The following BPNT1 variants were observed in gnomAD, a reference collection of about 807,000 sequenced individuals.
BPNT1 encodes 3'(2'),5'-bisphosphate nucleotidase 1.
A neutral mutation model predicts 36.9 loss-of-function variants in BPNT1; 28 were observed. The observed-to-expected ratio is 0.76, with a 90% CI of 0.56 to 1.04. The LOEUF (loss-of-function observed/expected upper bound fraction) is 1.04, where lower values mean the gene tolerates loss of function less well. BPNT1 is among the 50% of genes least tolerant of loss of function. BPNT1 has a pLI of 0.00. For synonymous variants in BPNT1, 119 were observed against 130.9 expected (o/e 0.91, Z 0.62); for missense variants, 313 against 372.9 (o/e 0.84, Z 1.32).
At chr1:220,072,701 T>C (rs1205585904) in intron 4 of BPNT1, 149 bp downstream of exon 4, 2 of 626,376 alleles carry the variant, frequency 3.2e-6, no homozygotes, top group Non-Finnish European at 5.6e-6. Context: ...GGTTGCCTGA[T>C]ACTTCCATGT....
intron 6 of BPNT1, chr1:220,066,132 T>C: frequency 6.7e-7 from 1 of 1,488,940 alleles, no homozygotes; most frequent in Non-Finnish European, 8.9e-7. Context: ...GGAAAATGAA[T>C]ACAATTTTTC....
Position 220,079,785 on chromosome 1 carries a change from T to A in BPNT1, c.62A>T (p.Lys21Met). 1 of 1,614,148 alleles carries A rather than the reference T, an allele frequency of 6.2e-7. No individual in the cohort carries two copies. The highest frequency in any genetic ancestry group is 8.5e-7 in the Non-Finnish European group (1 of 1,180,012). The change falls in exon 2 of 9, where the codon AAG becomes ATG. Residue 21 changes from lysine to methionine, a missense_variant. Transcript: ENST00000322067. ...AACACGTCTGACTATCATTCCTGCCTTTTGAGCAATAGAATATGCGGAGGC... is the reference window on the plus strand; with the variant it reads ...AACACGTCTGACTATCATTCCTGCCATTTGAGCAATAGAATATGCGGAGGC... ...LVASAYSIAQ[K>M]AGMIVRRVIA...
At position 220,081,292 on chromosome 1, in the gene BPNT1, CA is replaced by C. The variant is rs370469494; in HGVS notation, c.-8-1439del. ...GCACGGTGACTAACGCCTGTAATCC[CA>C]GGATTTTGGGAGGCCGAGATGGGCA... is the stretch of plus-strand genomic sequence containing the variant. On this transcript the variant is annotated intron_variant, in intron 1 of 8. Coordinates refer to ENST00000322067, the MANE Select transcript of BPNT1 (RefSeq NM_006085.6). 2.4e-3 allele frequency among the ~76,000 whole-genome samples: 370 copies of C among 152,190 alleles called. 1 individual carries two copies. Among genetic ancestry groups the C allele is most frequent in the African/African-American group, 8.5e-3 (354 of 41,534 alleles).
intron 2 of BPNT1, 74 bp from the exon 3 acceptor site, chr1:220,074,145 C>A (rs941434858): frequency 4.5e-6 from 6 of 1,326,100 alleles, no homozygotes; most frequent in Non-Finnish European, 6.4e-6. Context: ...TGCATGAGTG[C>A]CTACATAATT....
intron 3 of BPNT1, 68 bp downstream of exon 3, chr1:220,073,897 CAT>C: frequency 7.8e-7 from 1 of 1,278,422 alleles, no homozygotes; most frequent in Non-Finnish European, 1.1e-6. Flanking sequence ...GTATATAAAT[CAT>C]TAAAGTGTCA....
intron 7 of BPNT1, among the ~76,000 whole-genome samples, chr1:220,061,459 G>A (rs779940507): frequency 2.0e-5 from 3 of 151,818 alleles, no homozygotes; most frequent in South Asian, 2.1e-4. Context: ...GCTTGAACCC[G>A]GGAGGTGGAG....
intron 2 of BPNT1, among the ~76,000 whole-genome samples, chr1:220,076,118 G>A (rs962855109): frequency 5.9e-5 from 9 of 151,626 alleles, no homozygotes; most frequent in Admixed American, 2.0e-4. Flanking sequence ...CCTGTAATCC[G>A]AGCACTTTGG....
chr1:220,084,671 A>G (rs999357850), intron 1 of BPNT1, among the ~76,000 whole-genome samples: 1 of 152,180 alleles, frequency 6.6e-6, no homozygotes, highest in African/African-American at 2.4e-5. Context: ...AGGCTTCATA[A>G]ATGACTCAAC....
chr1:220,072,138 G>A (rs1191484595), intron 4 of BPNT1, among the ~76,000 whole-genome samples: 3 of 150,462 alleles, frequency 2.0e-5, no homozygotes, highest in Non-Finnish European at 3.0e-5. Flanking sequence ...TGAGGTAGGC[G>A]GATCACGAGG....
chr1:220,089,101 GAAAAAAAAAAA>G (rs764942826), intron 1 of BPNT1, among the ~76,000 whole-genome samples: 1 of 39,156 alleles, frequency 2.6e-5, no homozygotes, highest in South Asian at 9.7e-4. Flanking sequence ...ACTCCGTCTC[GAAAAAAAAAAA>G]AAAAAAAAAA....
At chr1:220,088,036 C>G (rs1305454449) in intron 1 of BPNT1, among the ~76,000 whole-genome samples, 2 of 151,978 alleles carry the variant, frequency 1.3e-5, no homozygotes, top group Admixed American at 1.3e-4. Context: ...CATCTCCACA[C>G]CTGGCTAATT....
At chr1:220,060,855 A>G (rs959102875) in intron 7 of BPNT1, among the ~76,000 whole-genome samples, 1 of 152,180 alleles carries the variant, frequency 6.6e-6, no homozygotes, top group Non-Finnish European at 1.5e-5. Context: ...GATTTGGTCC[A>G]GAAAGGTGGA....
In BPNT1 at chr1:220,083,909, T is replaced by C. The variant is rs1476731414; in HGVS notation, c.-8-4055A>G. 2.0e-5 allele frequency among the ~76,000 whole-genome samples: 3 copies of C among 152,298 alleles called. No homozygotes were observed. In the East Asian group the frequency reaches 5.8e-4, roughly 29 times the overall value. On this transcript the variant is annotated intron_variant, in intron 1 of 8. Coordinates refer to ENST00000322067, the MANE Select transcript of BPNT1 (RefSeq NM_006085.6). ...TCAACCTCCCTCATATACGGAGGGA[T>C]AACTATATATAATGTGTTTGTTTTA... is the stretch of plus-strand genomic sequence containing the variant.
At position 220,057,717 on chromosome 1, in the gene BPNT1, T is replaced by C. The variant is rs1433135165; in HGVS notation, c.*1127A>G. Reference sequence around the variant, plus strand: ...AACACTTTTTTAAAAAGCTGGTGAATAACAAAGAGCTAGGATTAAATAATT... The same window carrying C: ...AACACTTTTTTAAAAAGCTGGTGAACAACAAAGAGCTAGGATTAAATAATT... On this transcript the variant is annotated 3_prime_UTR_variant, in exon 9 of 9. Transcript: ENST00000322067. 1.9e-6 allele frequency: 1 copy of C among 525,298 alleles called. No homozygotes were observed. Among genetic ancestry groups the C allele is most frequent in the African/African-American group, 2.0e-5 (1 of 49,402 alleles). The allele number at this position is 525,298 out of a possible 1,614,324, so 32.5% of individuals were successfully genotyped here. A position where few individuals can be genotyped will look rare whatever the true frequency, so the allele number is the denominator to read the frequency against.
At position 220,067,353 on chromosome 1, in the gene BPNT1, A is replaced by G; in HGVS notation, c.423T>C (p.Tyr141=). 1 of 1,610,662 alleles carries G rather than the reference A, an allele frequency of 6.2e-7. No individual in the cohort carries two copies. The highest frequency in any genetic ancestry group is 1.1e-5 in the South Asian group (1 of 90,686). The part of the protein sequence containing the change: ...DNVTVLIGIA[Y]EGKAIAGVIN... ...TAACTCCTGCTATGGCTTTTCCTTC[A>G]TAAGCAATTCCAATAAGAACTGTTA... is the stretch of plus-strand genomic sequence containing the variant. Residue 141 remains tyrosine (Y), a synonymous_variant, in exon 6 of 9, where the codon TAT becomes TAC. Coordinates refer to ENST00000322067, the MANE Select transcript of BPNT1 (RefSeq NM_006085.6).
At position 220,062,937 on chromosome 1, in the gene BPNT1, C is replaced by T. The variant is rs1349364444; in HGVS notation, c.492G>A (p.Val164=). The change falls in exon 7 of 9, where the codon GTG becomes GTA. Residue 164 remains valine, a synonymous_variant. Coordinates refer to ENST00000322067, the MANE Select transcript of BPNT1 (RefSeq NM_006085.6). ...AAACTCCCCAGATTGTCCTCCCCAA[C>T]ACAGCATCTGGTCCTGCCTGTGTAA... The part of the protein sequence containing the change: ...YYNYEAGPDA[V]LGRTIWGVLG... 1.2e-6 allele frequency: 2 copies of T among 1,614,038 alleles called. No individual in the cohort carries two copies. Among genetic ancestry groups the T allele is most frequent in the East Asian group, 2.2e-5 (1 of 44,888 alleles).
At chr1:220,087,632 A>C (rs1364395197) in intron 1 of BPNT1, among the ~76,000 whole-genome samples, 2 of 152,164 alleles carry the variant, frequency 1.3e-5, no homozygotes, top group Non-Finnish European at 1.5e-5. Flanking sequence ...CTAAATAAAC[A>C]GGTACTTGAC....
At chr1:220,063,607 C>A (rs1663263358) in intron 6 of BPNT1, among the ~76,000 whole-genome samples, 1 of 152,176 alleles carries the variant, frequency 6.6e-6, no homozygotes, top group African/African-American at 2.4e-5. Flanking sequence ...CTAAGATCCC[C>A]AGGAAATGAA....
chr1:220,076,159 G>C (rs1435827094), intron 2 of BPNT1, among the ~76,000 whole-genome samples: 4 of 152,086 alleles, frequency 2.6e-5, no homozygotes, highest in Non-Finnish European at 4.4e-5. Context: ...ACAAGGTCAG[G>C]AGTTCGAGAC....
Sources: allele counts gnomAD v4.1 joint callset (sites outside exome capture counted in the v4.1 genomes callset), GRCh38; gene constraint gnomAD v4.1.1; transcripts MANE v1.5; gene names NCBI Gene and HGNC (gene_info 2026-07-23, HGNC 2026-07-21).